EYA1: variants seen among roughly 807,000 people sequenced by gnomAD.
EYA1 encodes EYA transcriptional coactivator and phosphatase 1, also known as protein phosphatase EYA1.
A neutral mutation model predicts 82.0 loss-of-function variants in EYA1; 16 were observed. That is an observed-to-expected ratio of 0.20 (90% CI 0.13 to 0.30). The LOEUF is 0.30. EYA1 is among the 10% of genes least tolerant of loss of function. The pLI is 1.00. For synonymous variants in EYA1, 261 were observed against 264.4 expected (o/e 0.99, Z 0.12); for missense variants, 633 against 730.7 (o/e 0.87, Z 1.54).
intron 9 of EYA1, among the ~76,000 whole-genome samples, chr8:71,290,131 A>T (rs1170283781): frequency 1.3e-5 from 2 of 152,188 alleles, no homozygotes; most frequent in African/African-American, 4.8e-5. Context: ...AATACTTACT[A>T]TCAACATAGA....
chr8:71,271,066 C>T (rs1290052970), intron 10 of EYA1, among the ~76,000 whole-genome samples: 2 of 152,250 alleles, frequency 1.3e-5, no homozygotes, highest in Admixed American at 6.5e-5. Flanking sequence ...GCCGAGATCA[C>T]GCCATTGCAC....
intron 9 of EYA1, among the ~76,000 whole-genome samples, chr8:71,290,086 CA>C (rs1190713641): frequency 3.3e-5 from 5 of 152,074 alleles, no homozygotes; most frequent in African/African-American, 1.2e-4. Context: ...GTCCCATGTT[CA>C]TGTGTTATTA....
chr8:71,261,446 T>C (rs184218232), intron 11 of EYA1, among the ~76,000 whole-genome samples: 4 of 152,272 alleles, frequency 2.6e-5, no homozygotes, highest in Admixed American at 2.0e-4. Flanking sequence ...AAACCATGGT[T>C]AAACTACTGC....
intron 2 of EYA1, among the ~76,000 whole-genome samples, chr8:71,412,526 G>A (rs948773155): frequency 6.6e-6 from 1 of 152,146 alleles, no homozygotes; most frequent in Non-Finnish European, 1.5e-5. Flanking sequence ...ATACTGAGAT[G>A]CTTATGGATA....
intron 17 of EYA1, among the ~76,000 whole-genome samples, chr8:71,204,856 T>TGCC (rs999342452): frequency 1.3e-5 from 2 of 152,212 alleles, no homozygotes; most frequent in African/African-American, 4.8e-5. Context: ...TATATCTGCT[T>TGCC]GCCCTCTAGA....
chr8:71,456,606 C>T (rs941733603), intron 2 of EYA1, among the ~76,000 whole-genome samples: 2 of 151,722 alleles, frequency 1.3e-5, no homozygotes, highest in African/African-American at 4.8e-5. Flanking sequence ...AATATCACAC[C>T]ATCTACAACC....
chr8:71,303,313 T>TACAC (rs72096099), intron 7 of EYA1, among the ~76,000 whole-genome samples: 2,231 of 102,568 alleles, frequency 0.022, 346 homozygotes, highest in Non-Finnish European at 0.029. Context: ...GTACATTTGA[T>TACAC]ATACACACAC....
At chr8:71,341,324 CG>C (rs1825103943) in intron 3 of EYA1, among the ~76,000 whole-genome samples, 1 of 152,084 alleles carries the variant, frequency 6.6e-6, no homozygotes, top group Admixed American at 6.6e-5. Flanking sequence ...CGTTATGTTA[CG>C]GGTTGGATTC....
At chr8:71,270,550 C>T (rs187313407) in intron 10 of EYA1, among the ~76,000 whole-genome samples, 1 of 152,300 alleles carries the variant, frequency 6.6e-6, no homozygotes, top group East Asian at 1.9e-4. Context: ...TTCCCACTCA[C>T]ACCAGTACAT....
intron 3 of EYA1, among the ~76,000 whole-genome samples, chr8:71,341,728 CTTT>C (rs1211347808): frequency 5.9e-5 from 9 of 152,232 alleles, no homozygotes; most frequent in African/African-American, 2.2e-4. Context: ...AGGTCATCTT[CTTT>C]ATCTTAAAGG....
chr8:71,357,638 A>C (rs1474815787), intron 1 of EYA1, among the ~76,000 whole-genome samples: 1 of 152,198 alleles, frequency 6.6e-6, no homozygotes, highest in Non-Finnish European at 1.5e-5. Flanking sequence ...ATCCAACCAA[A>C]CGTCTTCTGT....
intron 17 of EYA1, among the ~76,000 whole-genome samples, chr8:71,202,112 T>A (rs527338371): frequency 6.6e-6 from 1 of 152,200 alleles, no homozygotes; most frequent in South Asian, 2.1e-4. Context: ...TTCTTTTGCA[T>A]GTCAATTGTC....
At chr8:71,438,680 A>G (rs1806180965) in intron 2 of EYA1, among the ~76,000 whole-genome samples, 1 of 152,110 alleles carries the variant, frequency 6.6e-6, no homozygotes, top group African/African-American at 2.4e-5. Flanking sequence ...GAAAGGAAGG[A>G]GCGTCCAAGT....
intron 12 of EYA1, among the ~76,000 whole-genome samples, chr8:71,238,932 T>C (rs1055904592): frequency 2.6e-5 from 4 of 152,056 alleles, no homozygotes; most frequent in African/African-American, 9.7e-5. Flanking sequence ...CAGTAGAATA[T>C]AAAGTATTCA....
chr8:71,534,303 C>T (rs1814520748), intron 2 of EYA1, among the ~76,000 whole-genome samples: 1 of 152,144 alleles, frequency 6.6e-6, no homozygotes, highest in Non-Finnish European at 1.5e-5. Context: ...GGAGTTTAAA[C>T]AAACAAACAA....
intron 2 of EYA1, among the ~76,000 whole-genome samples, chr8:71,378,841 G>T (rs556286917): frequency 4.6e-5 from 7 of 152,220 alleles, no homozygotes; most frequent in Non-Finnish European, 1.0e-4. Context: ...GTTTAAAGAA[G>T]ACTCAATCCA....
intron 2 of EYA1, among the ~76,000 whole-genome samples, chr8:71,414,560 A>G (rs927522169): frequency 2.0e-5 from 3 of 152,208 alleles, no homozygotes; most frequent in African/African-American, 7.2e-5. Context: ...AAACTTTTAC[A>G]TTAAAACCTA....
At chr8:71,426,245 ATTC>A (rs1342078676) in intron 2 of EYA1, among the ~76,000 whole-genome samples, 7 of 152,244 alleles carry the variant, frequency 4.6e-5, no homozygotes, top group African/African-American at 1.4e-4. Flanking sequence ...ATCTGGGTCC[ATTC>A]TCACATGGAG....
intron 2 of EYA1, among the ~76,000 whole-genome samples, chr8:71,507,921 A>C (rs1812313611): frequency 6.6e-6 from 1 of 152,210 alleles, no homozygotes; most frequent in South Asian, 2.1e-4. Flanking sequence ...AGTATACCCT[A>C]TGCCTTTTAA....
Sources: allele counts gnomAD v4.1 joint callset (sites outside exome capture counted in the v4.1 genomes callset), GRCh38; gene constraint gnomAD v4.1.1; transcripts MANE v1.5; gene names NCBI Gene and HGNC (gene_info 2026-07-23, HGNC 2026-07-21).